The following ARSB variants were observed in gnomAD, a reference collection of about 807,000 sequenced individuals.
ARSB encodes the protein N-acetylgalactosamine-4-sulfatase.
In ARSB, 41 loss-of-function variants were observed where a neutral mutation model predicts 50.9. The observed-to-expected ratio is 0.81, with a 90% CI of 0.63 to 1.04. The LOEUF is 1.04. ARSB is among the 50% of genes least tolerant of loss of function. The pLI is 0.00. For synonymous variants in ARSB, 269 were observed against 284.8 expected (o/e 0.94, Z 0.56); for missense variants, 672 against 693.3 (o/e 0.97, Z 0.35).
chr5:78,851,737 G>A (rs1378178844), intron 5 of ARSB, among the ~76,000 whole-genome samples: 1 of 152,076 alleles, frequency 6.6e-6, no homozygotes, highest in Non-Finnish European at 1.5e-5. Flanking sequence ...TATGCATCTG[G>A]GTGCTCCTGT....
intron 6 of ARSB, among the ~76,000 whole-genome samples, chr5:78,805,605 T>C (rs1220414926): frequency 6.6e-6 from 1 of 152,208 alleles, no homozygotes; most frequent in African/African-American, 2.4e-5. Flanking sequence ...TGGGTGTTTC[T>C]GGTCCTCTCT....
chr5:78,803,892 G>T, intron 6 of ARSB, among the ~76,000 whole-genome samples: 1 of 152,202 alleles, frequency 6.6e-6, no homozygotes, highest in East Asian at 1.9e-4. Context: ...TGTACTAGAC[G>T]TTGTACTCCA....
At chr5:78,813,000 A>C (rs78121768) in intron 6 of ARSB, among the ~76,000 whole-genome samples, 1 of 152,184 alleles carries the variant, frequency 6.6e-6, no homozygotes, top group East Asian at 1.9e-4. Flanking sequence ...CAAAAAATTT[A>C]TAATAATAAT....
At chr5:78,785,561 G>T (rs1158128824) in intron 6 of ARSB, among the ~76,000 whole-genome samples, 2 of 137,612 alleles carry the variant, frequency 1.5e-5, no homozygotes, top group African/African-American at 6.6e-5. Flanking sequence ...TGTATAGATA[G>T]CTCAGTTTTT....
chr5:78,902,072 C>T (rs962158572), intron 4 of ARSB, among the ~76,000 whole-genome samples: 1 of 152,190 alleles, frequency 6.6e-6, no homozygotes, highest in African/African-American at 2.4e-5. Context: ...AGTCTAAGAA[C>T]ATGGTGCTGG....
At chr5:78,876,628 G>C (rs147669714) in intron 5 of ARSB, among the ~76,000 whole-genome samples, 1 of 152,206 alleles carries the variant, frequency 6.6e-6, no homozygotes, top group African/African-American at 2.4e-5. Flanking sequence ...AGACAGAGCT[G>C]AGTCCAGAGA....
intron 5 of ARSB, among the ~76,000 whole-genome samples, chr5:78,868,501 C>A (rs1746932310): frequency 8.0e-6 from 1 of 124,618 alleles, no homozygotes; most frequent in African/African-American, 3.0e-5. Context: ...GAGTGGGGGC[C>A]AATATTCAAC....
intron 4 of ARSB, among the ~76,000 whole-genome samples, chr5:78,887,666 A>T (rs1415162843): frequency 6.6e-6 from 1 of 152,220 alleles, no homozygotes; most frequent in Non-Finnish European, 1.5e-5. Flanking sequence ...TAGTATTATA[A>T]CCATTTTGTC....
At chr5:78,808,928 G>A (rs561498281) in intron 6 of ARSB, among the ~76,000 whole-genome samples, 20 of 152,336 alleles carry the variant, frequency 1.3e-4, no homozygotes, top group African/African-American at 4.6e-4. Flanking sequence ...TGTTAGCTGT[G>A]CCATGTGCCC....
At chr5:78,797,500 T>C (rs907018390) in intron 6 of ARSB, among the ~76,000 whole-genome samples, 76 of 152,214 alleles carry the variant, frequency 5.0e-4, no homozygotes, top group African/African-American at 1.7e-3. Flanking sequence ...ATTCCTTCGA[T>C]GGTGCTCCAC....
intron 6 of ARSB, among the ~76,000 whole-genome samples, chr5:78,785,745 C>T (rs569851457): frequency 1.2e-4 from 19 of 152,324 alleles, no homozygotes; most frequent in African/African-American, 4.3e-4. Context: ...GAATACATCA[C>T]CTTCCATGCC....
intron 4 of ARSB, among the ~76,000 whole-genome samples, chr5:78,916,139 C>T (rs1050862805): frequency 6.6e-6 from 1 of 152,202 alleles, no homozygotes; most frequent in Non-Finnish European, 1.5e-5. Context: ...AAGATACTTA[C>T]ATCTCATATG....
chr5:78,819,989 G>A (rs1744146798), intron 6 of ARSB, among the ~76,000 whole-genome samples: 1 of 152,246 alleles, frequency 6.6e-6, no homozygotes, highest in Non-Finnish European at 1.5e-5. Flanking sequence ...CCATTGGGAA[G>A]TGATTAGGCC....
intron 4 of ARSB, among the ~76,000 whole-genome samples, chr5:78,942,068 G>A (rs1306745367): frequency 1.8e-4 from 28 of 152,166 alleles, no homozygotes; most frequent in African/African-American, 6.0e-4. Context: ...GTTTGTTTGC[G>A]TAGAGGTGTT....
At chr5:78,843,167 G>A (rs964656178) in intron 5 of ARSB, among the ~76,000 whole-genome samples, 3 of 152,148 alleles carry the variant, frequency 2.0e-5, no homozygotes, top group Non-Finnish European at 4.4e-5. Context: ...AAACCTTAAT[G>A]TACATATGAA....
upstream of ARSB, chr5:78,985,337 C>A (rs760850363): frequency 2.6e-6 from 3 of 1,164,942 alleles, no homozygotes; most frequent in Admixed American, 8.7e-5. Context: ...GGGGCCTGCT[C>A]CGCCCCGGCG....
At chr5:78,984,171 A>G (rs2058945988) in intron 1 of ARSB, among the ~76,000 whole-genome samples, 1 of 152,164 alleles carries the variant, frequency 6.6e-6, no homozygotes, top group Admixed American at 6.5e-5. Context: ...CGTCTGTAAA[A>G]CGGGGTAAAA....
chr5:78,969,555 G>A (rs1437625085), intron 1 of ARSB, among the ~76,000 whole-genome samples: 1 of 152,212 alleles, frequency 6.6e-6, no homozygotes, highest in Non-Finnish European at 1.5e-5. Flanking sequence ...AGAAGTTGGT[G>A]TTTGATTAGA....
intron 3 of ARSB, among the ~76,000 whole-genome samples, chr5:78,958,476 T>C (rs1751833645): frequency 6.6e-6 from 1 of 152,222 alleles, no homozygotes; most frequent in Admixed American, 6.5e-5. Context: ...TTCTTATAAA[T>C]ATTCAGTATA....
Sources: gnomAD v4.1 joint callset for allele counts (sites outside exome capture counted in the v4.1 genomes callset) on GRCh38, gnomAD v4.1.1 for gene constraint, MANE v1.5 for transcripts, NCBI Gene and HGNC (gene_info 2026-07-23, HGNC 2026-07-21) for gene names.